Variants in CTNNA1 observed in about 807,000 individuals in gnomAD.
CTNNA1 encodes the protein catenin alpha-1.
Under a neutral mutation model 98.4 loss-of-function variants are expected in CTNNA1, and 37 were observed. That is an observed-to-expected ratio of 0.38 (90% CI 0.29 to 0.49). The LOEUF is 0.49. Ranked by LOEUF, CTNNA1 falls within the 20% of genes least tolerant of loss-of-function variation. The probability of loss-of-function intolerance (pLI) is 0.95; values close to 1 mark genes in which losing one functional copy is unlikely to be tolerated. For synonymous variants in CTNNA1, 404 were observed against 413.2 expected (o/e 0.98, Z 0.27); for missense variants, 761 against 1,147.2 (o/e 0.66, Z 4.86).
At chr5:138,893,058 C>A (rs886676450) in intron 9 of CTNNA1, among the ~76,000 whole-genome samples, 2 of 152,102 alleles carry the variant, frequency 1.3e-5, no homozygotes, top group African/African-American at 4.8e-5. Flanking sequence ...AAAAATTCTT[C>A]AGTGGCTCTT....
intron 7 of CTNNA1, among the ~76,000 whole-genome samples, chr5:138,858,783 G>T (rs1481220096): frequency 6.6e-6 from 1 of 152,008 alleles, no homozygotes; most frequent in African/African-American, 2.4e-5. Flanking sequence ...ATTTTTAGTA[G>T]AGACAGGGTT....
At chr5:138,881,844 GT>G (rs752367568) in intron 7 of CTNNA1, among the ~76,000 whole-genome samples, 1 of 152,158 alleles carries the variant, frequency 6.6e-6, no homozygotes, top group Non-Finnish European at 1.5e-5. Flanking sequence ...CAGACCTCCT[GT>G]TTGTTACCTT....
At chr5:138,821,617 C>G (rs529858882) in intron 5 of CTNNA1, among the ~76,000 whole-genome samples, 20 of 152,250 alleles carry the variant, frequency 1.3e-4, no homozygotes, top group Admixed American at 5.9e-4. Context: ...GAGGAAACTT[C>G]CACTTGAATT....
At chr5:138,788,104 C>CAGAT (rs1171501892) in intron 3 of CTNNA1, among the ~76,000 whole-genome samples, 11 of 152,044 alleles carry the variant, frequency 7.2e-5, no homozygotes, top group African/African-American at 2.2e-4. Flanking sequence ...CCTCCCGTAT[C>CAGAT]CCCCCATCCT....
intron 4 of CTNNA1, among the ~76,000 whole-genome samples, chr5:138,811,148 T>A (rs1758704520): frequency 6.7e-6 from 1 of 150,042 alleles, no homozygotes; most frequent in Admixed American, 6.6e-5. Context: ...GAGGGGCTCC[T>A]CACTTCTCAG....
chr5:138,835,182 T>C (rs1004896697), intron 7 of CTNNA1, among the ~76,000 whole-genome samples: 6 of 152,210 alleles, frequency 3.9e-5, no homozygotes, highest in Non-Finnish European at 5.9e-5. Context: ...TTTGTGGATC[T>C]TCAGTTGCTT....
At chr5:138,782,366 G>A in intron 2 of CTNNA1, 1 of 461,588 alleles carries the variant, frequency 2.2e-6, no homozygotes, top group South Asian at 1.6e-5. Context: ...CTCTCACTCT[G>A]CTTAACACAC....
intron 10 of CTNNA1, among the ~76,000 whole-genome samples, chr5:138,911,724 T>G (rs1031613746): frequency 9.2e-5 from 14 of 152,258 alleles, no homozygotes; most frequent in Admixed American, 5.2e-4. Context: ...TAGATTTGTG[T>G]TGTTTTAAGC....
chr5:138,921,596 ATTTTTTT>A (rs386405098), intron 11 of CTNNA1, among the ~76,000 whole-genome samples: 1 of 104,040 alleles, frequency 9.6e-6, no homozygotes, highest in Admixed American at 1.0e-4. Context: ...ATTAGTGGTG[ATTTTTTT>A]TTTTTTTTTT....
chr5:138,791,613 C>T (rs1334798235), intron 3 of CTNNA1, among the ~76,000 whole-genome samples: 1 of 8,982 alleles, frequency 1.1e-4, no homozygotes, highest in Admixed American at 2.0e-3. Flanking sequence ...AAGACTCCGT[C>T]TCAAAAAAAA....
At chr5:138,754,776 T>C (rs1041119233) in intron 1 of CTNNA1, 1 of 152,232 alleles carries the variant, frequency 6.6e-6, no homozygotes, top group African/African-American at 2.4e-5. Context: ...AAACATTTTT[T>C]TTAAAGACGG....
At chr5:138,848,890 A>G (rs1453732323) in intron 7 of CTNNA1, among the ~76,000 whole-genome samples, 1 of 152,074 alleles carries the variant, frequency 6.6e-6, no homozygotes, top group Non-Finnish European at 1.5e-5. Flanking sequence ...TACCCAGCTA[A>G]TTTTTGTATT....
intron 7 of CTNNA1, among the ~76,000 whole-genome samples, chr5:138,868,013 A>G (rs1339432055): frequency 3.3e-5 from 5 of 152,076 alleles, no homozygotes; most frequent in African/African-American, 7.2e-5. Context: ...CAGCCTCCCA[A>G]AGTACTGGGA....
At chr5:138,829,504 A>G (rs992312863) in intron 7 of CTNNA1, among the ~76,000 whole-genome samples, 2 of 152,212 alleles carry the variant, frequency 1.3e-5, no homozygotes, top group African/African-American at 2.4e-5. Context: ...CCTCCTAATC[A>G]GTCTATAAGA....
intron 1 of CTNNA1, among the ~76,000 whole-genome samples, chr5:138,761,617 CAAA>C (rs989872412): frequency 6.6e-6 from 1 of 151,740 alleles, no homozygotes; most frequent in African/African-American, 2.4e-5. Context: ...AAAATTTACT[CAAA>C]AAAATTTTGG....
In CTNNA1 at chr5:138,917,861, T is replaced by A. The variant is rs1257768986; in HGVS notation, c.1509T>A (p.Asp503Glu). 6.2e-7 allele frequency: 1 copy of A among 1,614,240 alleles called. No individual in the cohort carries two copies. The highest frequency in any genetic ancestry group is 8.5e-7 in the Non-Finnish European group (1 of 1,180,038). Residue 503 changes from aspartate (D) to glutamate (E), a missense_variant, in exon 11 of 18, where the codon GAT becomes GAA. Transcript: ENST00000302763. ...TCCGTGTTCTCACAGATGCTGTCGA[T>A]GACATTACTTCCATTGATGACTTCT... ...KQVRVLTDAV[D>E]DITSIDDFLA...
chr5:138,775,943 G>T (rs1207234386), intron 1 of CTNNA1, among the ~76,000 whole-genome samples: 17 of 150,696 alleles, frequency 1.1e-4, no homozygotes, highest in Non-Finnish European at 2.2e-4. Flanking sequence ...AGGCAGGATG[G>T]TCTCGATCTC....
Position 138,933,142 on chromosome 5 carries a change from GAA to G in CTNNA1, c.2433+432_2433+433del, listed in dbSNP as rs762781675. The stretch of plus-strand genomic sequence containing the variant: ...GAACAAGACTGTCTCAAAACAAAAC[GAA>G]ACAACAAAACAAAACAAAACTTCCT... On this transcript the variant is annotated intron_variant, in intron 17 of 17. Coordinates refer to ENST00000302763, the MANE Select transcript of CTNNA1 (RefSeq NM_001903.5). Among the ~76,000 whole-genome samples the G allele has an allele frequency of 2.0e-5, 3 of 152,120 alleles. No individual in the cohort carries two copies. The East Asian group carries it at 5.8e-4, about 29-fold the overall frequency.
At position 138,832,759 on chromosome 5, in the gene CTNNA1, A is replaced by C. The variant is rs528216495; in HGVS notation, c.1062+5041A>C. Among the ~76,000 whole-genome samples the C allele has an allele frequency of 2.0e-5, 3 of 152,316 alleles. No homozygotes were observed. The South Asian group carries it at 6.2e-4, about 32-fold the overall frequency. On this transcript the variant is annotated intron_variant, in intron 7 of 17. Coordinates refer to ENST00000302763, the MANE Select transcript of CTNNA1 (RefSeq NM_001903.5). Reference sequence around the variant, plus strand: ...ATAAACATGAAATATCCGTAGAACTAGGTTTCAGACTATTAAGTTAATGGG... The same window carrying C: ...ATAAACATGAAATATCCGTAGAACTCGGTTTCAGACTATTAAGTTAATGGG...
Sources: gnomAD v4.1 joint callset for allele counts (sites outside exome capture counted in the v4.1 genomes callset) on GRCh38, gnomAD v4.1.1 for gene constraint, MANE v1.5 for transcripts, NCBI Gene and HGNC (gene_info 2026-07-23, HGNC 2026-07-21) for gene names.